Variants in NRG3 observed in about 807,000 individuals in gnomAD.
The protein encoded by NRG3 is neuregulin 3.
A neutral mutation model predicts 66.9 loss-of-function variants in NRG3; 31 were observed. The observed-to-expected ratio is 0.46, with a 90% CI of 0.35 to 0.63. The LOEUF is 0.63. NRG3 is among the 20% of genes least tolerant of loss of function. The pLI, the probability that NRG3 is intolerant of heterozygous loss-of-function variation, is 0.00. For synonymous variants in NRG3, 393 were observed against 359.4 expected (o/e 1.09, Z -1.06); for missense variants, 910 against 878.9 (o/e 1.04, Z -0.45).
intron 4 of NRG3, among the ~76,000 whole-genome samples, chr10:82,945,133 T>G (rs942200274): frequency 2.6e-5 from 4 of 152,170 alleles, no homozygotes; most frequent in African/African-American, 9.7e-5. Context: ...CAGCTTGCTT[T>G]TCTGTCTTTG....
rs374105336 is a variant in NRG3 at position 82,677,572 on chromosome 10, G to T, written c.954-61005G>T. Reference sequence around the variant, plus strand: ...ATTTTCTCCCTCTTTCTTTTTTACTGTCTGAAACTCTTTTCATAGACTTGA... The same window carrying T: ...ATTTTCTCCCTCTTTCTTTTTTACTTTCTGAAACTCTTTTCATAGACTTGA... On this transcript the variant is annotated intron_variant, in intron 2 of 8. Transcript: ENST00000372141. Among the ~76,000 whole-genome samples, 25 of 151,662 alleles carry T rather than the reference G, an allele frequency of 1.6e-4. No individual in the cohort carries two copies. In the East Asian group the frequency reaches 4.3e-3, roughly 26 times the overall value.
At chr10:82,720,725 C>T (rs1264287104) in intron 2 of NRG3, among the ~76,000 whole-genome samples, 1 of 150,894 alleles carries the variant, frequency 6.6e-6, no homozygotes, top group Non-Finnish European at 1.5e-5. Context: ...TCATCTATTC[C>T]TCAGCAAGAT....
intron 3 of NRG3, among the ~76,000 whole-genome samples, chr10:82,788,441 A>G (rs774291153): frequency 2.5e-4 from 38 of 152,048 alleles, no homozygotes; most frequent in Admixed American, 7.9e-4. Flanking sequence ...ATGGTGGTGC[A>G]TGTCCGTAGT....
intron 1 of NRG3, among the ~76,000 whole-genome samples, chr10:81,901,374 A>G (rs770826500): frequency 4.6e-5 from 7 of 152,236 alleles, no homozygotes; most frequent in Non-Finnish European, 1.0e-4. Flanking sequence ...TTGTATTACT[A>G]AAATACATAG....
At chr10:82,119,914 G>A (rs1213289307) in intron 1 of NRG3, among the ~76,000 whole-genome samples, 1 of 152,058 alleles carries the variant, frequency 6.6e-6, no homozygotes, top group African/African-American at 2.4e-5. Flanking sequence ...TGGAAATTCA[G>A]GGTAATGGAG....
chr10:82,072,900 G>C (rs2064887856), intron 1 of NRG3, among the ~76,000 whole-genome samples: 1 of 152,016 alleles, frequency 6.6e-6, no homozygotes, highest in African/African-American at 2.4e-5. Flanking sequence ...CTGAGTAGCT[G>C]GGACTACAGG....
chr10:82,964,953 C>T (rs1036414718), intron 6 of NRG3, among the ~76,000 whole-genome samples: 1 of 152,322 alleles, frequency 6.6e-6, no homozygotes, highest in Middle Eastern at 3.4e-3. Context: ...CGGTGCACCA[C>T]CTACAATGTG....
In NRG3 at chr10:82,769,512, T is replaced by A. The variant is rs75280531; in HGVS notation, c.1027+30862T>A. Reference sequence around the variant, plus strand: ...TCAATATTAAAAAAATATTTTGAGATATATTTCTCAAGTATAATTTAAGAG... The same window carrying A: ...TCAATATTAAAAAAATATTTTGAGAAATATTTCTCAAGTATAATTTAAGAG... On this transcript the variant is annotated intron_variant, in intron 3 of 8. Coordinates refer to ENST00000372141, the MANE Select transcript of NRG3 (RefSeq NM_001010848.4). Among the ~76,000 whole-genome samples the A allele has an allele frequency of 6.0e-3, 909 of 152,244 alleles. 12 individuals are homozygous for A. The highest frequency in any genetic ancestry group is 0.02 in the African/African-American group (838 of 41,572).
chr10:82,439,590 A>C (rs1307669848), intron 2 of NRG3, among the ~76,000 whole-genome samples: 3 of 152,026 alleles, frequency 2.0e-5, no homozygotes, highest in Non-Finnish European at 1.5e-5. Context: ...TTCTTATGGA[A>C]AATTGATATT....
chr10:82,708,383 G>A (rs2134364887), intron 2 of NRG3, among the ~76,000 whole-genome samples: 1 of 152,248 alleles, frequency 6.6e-6, no homozygotes, highest in African/African-American at 2.4e-5. Context: ...TGTTGTGGGA[G>A]TTTGGTGTAC....
intron 3 of NRG3, among the ~76,000 whole-genome samples, chr10:82,739,152 G>A (rs2058297464): frequency 6.6e-6 from 1 of 152,140 alleles, no homozygotes; most frequent in Non-Finnish European, 1.5e-5. Flanking sequence ...AACACTATTT[G>A]CATATCAGTG....
At chr10:82,854,945 T>C (rs768989129) in intron 3 of NRG3, among the ~76,000 whole-genome samples, 6 of 152,226 alleles carry the variant, frequency 3.9e-5, no homozygotes, top group Admixed American at 6.5e-5. Context: ...CTTGGGCAGT[T>C]GGTCCAGGAC....
chr10:82,097,762 A>G (rs1042413104), intron 1 of NRG3, among the ~76,000 whole-genome samples: 1 of 152,020 alleles, frequency 6.6e-6, no homozygotes, highest in Non-Finnish European at 1.5e-5. Context: ...ATTTGGTAGT[A>G]TCAGATGTTT....
At chr10:82,802,075 C>A (rs1468405827) in intron 3 of NRG3, among the ~76,000 whole-genome samples, 1 of 152,158 alleles carries the variant, frequency 6.6e-6, no homozygotes, top group African/African-American at 2.4e-5. Context: ...CAGCAGTCAT[C>A]TAGGTAAAAG....
At chr10:82,782,413 C>T (rs2060155085) in intron 3 of NRG3, among the ~76,000 whole-genome samples, 1 of 152,052 alleles carries the variant, frequency 6.6e-6, no homozygotes, top group Non-Finnish European at 1.5e-5. Context: ...CTTGGAATTT[C>T]CAGCCTGTAG....
At chr10:82,929,268 G>T (rs988590182) in intron 4 of NRG3, among the ~76,000 whole-genome samples, 2 of 152,114 alleles carry the variant, frequency 1.3e-5, no homozygotes, top group African/African-American at 4.8e-5. Context: ...CTTCTGCTTT[G>T]ACAACTGTCT....
chr10:82,617,756 A>G (rs1224874994), intron 2 of NRG3, among the ~76,000 whole-genome samples: 1 of 152,218 alleles, frequency 6.6e-6, no homozygotes, highest in East Asian at 1.9e-4. Context: ...GCCAGTTGGC[A>G]TGGAAATCAC....
chr10:81,937,531 T>A (rs1400461785), intron 1 of NRG3, among the ~76,000 whole-genome samples: 1 of 152,162 alleles, frequency 6.6e-6, no homozygotes, highest in Non-Finnish European at 1.5e-5. Context: ...TTTAATATGC[T>A]TGTGGGCCAT....
intron 2 of NRG3, among the ~76,000 whole-genome samples, chr10:82,378,715 T>C (rs928746347): frequency 1.2e-4 from 18 of 151,884 alleles, no homozygotes; most frequent in African/African-American, 4.4e-4. Flanking sequence ...GGATTACAGG[T>C]GTGTGCCACC....
Sources: gnomAD v4.1 joint callset for allele counts (sites outside exome capture counted in the v4.1 genomes callset) on GRCh38, gnomAD v4.1.1 for gene constraint, MANE v1.5 for transcripts, NCBI Gene and HGNC (gene_info 2026-07-23, HGNC 2026-07-21) for gene names.